Variants in RBPJ observed in about 807,000 individuals in gnomAD.
RBPJ encodes recombining binding protein suppressor of hairless.
Under a neutral mutation model 67.8 loss-of-function variants are expected in RBPJ, and 9 were observed. The observed-to-expected ratio is 0.13, with a 90% CI of 0.08 to 0.23. The LOEUF (loss-of-function observed/expected upper bound fraction) is 0.23, where lower values mean the gene tolerates loss of function less well. RBPJ is among the 10% of genes least tolerant of loss of function. The pLI is 1.00. For synonymous variants in RBPJ, 198 were observed against 203.3 expected (o/e 0.97, Z 0.22); for missense variants, 305 against 595.6 (o/e 0.51, Z 5.08).
At chr4:26,142,184 G>A in the RBPJ span, among the ~76,000 whole-genome samples, 1 of 152,254 alleles carries the variant, frequency 6.6e-6, no homozygotes, top group Non-Finnish European at 1.5e-5. Flanking sequence ...GTACAGATGT[G>A]AGTAGTCACC....
At chr4:26,379,804 G>A (rs1291471053) in intron 1 of RBPJ, among the ~76,000 whole-genome samples, 1 of 152,084 alleles carries the variant, frequency 6.6e-6, no homozygotes, top group Non-Finnish European at 1.5e-5. Context: ...TTGAACTCTT[G>A]GCTTCAAGTG....
chr4:26,250,300 ATGT>A (rs1201670563), intron 1 of RBPJ, among the ~76,000 whole-genome samples: 1 of 144,842 alleles, frequency 6.9e-6, no homozygotes, highest in African/African-American at 2.6e-5. Flanking sequence ...AGGCTCATAC[ATGT>A]TGTAGCATAG....
At chr4:26,429,784 T>G (rs775060578) in intron 8 of RBPJ, 114 bp from the exon 9 acceptor site, 38 of 854,064 alleles carry the variant, frequency 4.4e-5, no homozygotes, top group Non-Finnish European at 6.6e-5. Flanking sequence ...GTTTATAAGT[T>G]TTTACTGAGT....
chr4:26,331,028 C>A (rs189356271), intron 1 of RBPJ, among the ~76,000 whole-genome samples: 1 of 152,286 alleles, frequency 6.6e-6, no homozygotes, highest in African/African-American at 2.4e-5. Flanking sequence ...TTTACACAGA[C>A]AGGTTAGATA....
intron 8 of RBPJ, among the ~76,000 whole-genome samples, chr4:26,429,382 T>C (rs1282974940): frequency 6.6e-6 from 1 of 152,202 alleles, no homozygotes. Flanking sequence ...GAAACTCCTT[T>C]GCAGAGAGAT....
rs3065203 is a variant in RBPJ, at chr4:26,297,334, T to TTGTG, written c.-166-65094_-166-65091dup. On this transcript the variant is annotated intron_variant, in intron 1 of 4. Transcript: ENST00000512351. ...AAACAAATAAATTTAAAAAATCACT[T>TTGTG]TGTGTGTGTGTGTGTGTGTGTACGA... Among the ~76,000 whole-genome samples the TTGTG allele has an allele frequency of 3.9e-3, 575 of 146,790 alleles. 2 individuals carry two copies. Among genetic ancestry groups the TTGTG allele is most frequent in the South Asian group, 0.012 (55 of 4,600 alleles).
intron 1 of RBPJ, among the ~76,000 whole-genome samples, chr4:26,199,514 C>T (rs1032235522): frequency 3.9e-5 from 6 of 152,286 alleles, no homozygotes; most frequent in South Asian, 2.1e-4. Context: ...CACAGGACAA[C>T]GCCTCTGTGG....
intron 1 of RBPJ, among the ~76,000 whole-genome samples, chr4:26,218,627 G>A (rs572346058): frequency 6.6e-6 from 1 of 152,258 alleles, no homozygotes; most frequent in South Asian, 2.1e-4. Context: ...TGTGCCAGGC[G>A]TGCAAATCCC....
intron 1 of RBPJ, among the ~76,000 whole-genome samples, chr4:26,169,032 C>T (rs1363770969): frequency 2.6e-5 from 4 of 152,222 alleles, no homozygotes; most frequent in Non-Finnish European, 2.9e-5. Flanking sequence ...TCCTGTAGCT[C>T]GGAGTAGTTT....
chr4:26,396,562 A>G (rs920552022), intron 2 of RBPJ, among the ~76,000 whole-genome samples: 122 of 152,376 alleles, frequency 8.0e-4, no homozygotes, highest in African/African-American at 2.8e-3. Context: ...AAGTAGCAAA[A>G]TGGCTTATTT....
chr4:26,191,200 TATATATATATAG>T (rs1212283412), intron 1 of RBPJ, among the ~76,000 whole-genome samples: 493 of 31,250 alleles, frequency 0.016, 6 homozygotes, highest in African/African-American at 0.032. Context: ...TATATATATA[TATATATATATAG>T]AGAGAGAGAG....
At chr4:26,248,085 G>A (rs1464696481) in intron 1 of RBPJ, among the ~76,000 whole-genome samples, 3 of 152,278 alleles carry the variant, frequency 2.0e-5, no homozygotes, top group Non-Finnish European at 4.4e-5. Flanking sequence ...GAGGTCTGGA[G>A]TTTGAGACCA....
chr4:26,305,994 C>T (rs1187852442), intron 1 of RBPJ, among the ~76,000 whole-genome samples: 3 of 147,654 alleles, frequency 2.0e-5, no homozygotes, highest in African/African-American at 7.6e-5. Context: ...CCATTTTAGC[C>T]AGGCTGGTCT....
intron 1 of RBPJ, among the ~76,000 whole-genome samples, chr4:26,279,012 C>T (rs1304126187): frequency 6.6e-6 from 1 of 152,120 alleles, no homozygotes; most frequent in Non-Finnish European, 1.5e-5. Flanking sequence ...CAATTTCCTC[C>T]TTTCTAAAGT....
intron 1 of RBPJ, among the ~76,000 whole-genome samples, chr4:26,292,998 A>G (rs564573674): frequency 6.6e-6 from 1 of 150,718 alleles, no homozygotes; most frequent in South Asian, 2.1e-4. Context: ...CTGGTTCATT[A>G]GGGTAGATAG....
intron 1 of RBPJ, among the ~76,000 whole-genome samples, chr4:26,271,065 T>C (rs754410142): frequency 5.3e-5 from 8 of 152,204 alleles, no homozygotes; most frequent in Admixed American, 2.6e-4. Flanking sequence ...TTTCTGTGCC[T>C]AATTTATTTT....
At chr4:26,382,529 T>C (rs1730430335) in intron 1 of RBPJ, among the ~76,000 whole-genome samples, 1 of 152,116 alleles carries the variant, frequency 6.6e-6, no homozygotes, top group Non-Finnish European at 1.5e-5. Context: ...GAATTATGTA[T>C]TGTCTTTTTT....
chr4:26,250,509 T>C (rs2109235214), intron 1 of RBPJ, among the ~76,000 whole-genome samples: 1 of 152,178 alleles, frequency 6.6e-6, no homozygotes, highest in Non-Finnish European at 1.5e-5. Flanking sequence ...TTTTTGTATT[T>C]TTAGTAGACC....
intron 1 of RBPJ, among the ~76,000 whole-genome samples, chr4:26,207,200 C>T (rs1202806289): frequency 6.6e-6 from 1 of 152,092 alleles, no homozygotes; most frequent in African/African-American, 2.4e-5. Flanking sequence ...CTTTGTAAAC[C>T]AGTTCCTCAT....
Sources: allele counts gnomAD v4.1 joint callset (sites outside exome capture counted in the v4.1 genomes callset), GRCh38; gene constraint gnomAD v4.1.1; transcripts MANE v1.5; gene names NCBI Gene and HGNC (gene_info 2026-07-23, HGNC 2026-07-21).